NAA11: variants seen among roughly 807,000 people sequenced by gnomAD.
NAA11 encodes the protein N-alpha-acetyltransferase 11.
A neutral mutation model predicts 16.1 loss-of-function variants in NAA11; 15 were observed. That is an observed-to-expected ratio of 0.93 (90% CI 0.62 to 1.44). The LOEUF (loss-of-function observed/expected upper bound fraction) is 1.44. NAA11 is among the 40% of genes most tolerant of loss of function. The probability of loss-of-function intolerance (pLI) is 0.00; values close to 1 mark genes in which losing one functional copy is unlikely to be tolerated. For synonymous variants in NAA11, 122 were observed against 112.4 expected (o/e 1.09, Z -0.54); for missense variants, 298 against 291.3 (o/e 1.02, Z -0.17).
intron 1 of NAA11, among the ~76,000 whole-genome samples, chr4:79,300,847 T>C (rs1438169763): frequency 6.6e-6 from 1 of 152,120 alleles, no homozygotes; most frequent in African/African-American, 2.4e-5. Flanking sequence ...AGAGAAGCCA[T>C]ATTTTAAGAA....
At chr4:79,251,700 A>G (rs904152776) in intron 2 of NAA11, among the ~76,000 whole-genome samples, 7 of 152,108 alleles carry the variant, frequency 4.6e-5, no homozygotes, top group Non-Finnish European at 7.4e-5. Flanking sequence ...GACCTGGCCA[A>G]TTGTGCTGCA....
At chr4:79,305,457 T>C (rs1466652377) in intron 1 of NAA11, among the ~76,000 whole-genome samples, 1 of 152,220 alleles carries the variant, frequency 6.6e-6, no homozygotes, top group Non-Finnish European at 1.5e-5. Flanking sequence ...TCACAAATCA[T>C]TTGAAAGATT....
chr4:79,289,576 GA>G, intron 2 of NAA11, among the ~76,000 whole-genome samples: 1 of 152,188 alleles, frequency 6.6e-6, no homozygotes, highest in African/African-American at 2.4e-5. Flanking sequence ...TCCTTGTGAA[GA>G]AAAAGCCAGA....
chr4:79,236,474 AT>A (rs1051585663), intron 2 of NAA11, among the ~76,000 whole-genome samples: 8 of 152,060 alleles, frequency 5.3e-5, no homozygotes, highest in African/African-American at 1.2e-4. Context: ...AAAAAAAAAG[AT>A]TTTTTCCCCC....
At chr4:79,322,486 G>GGTGT (rs757206111) in intron 1 of NAA11, among the ~76,000 whole-genome samples, 38 of 87,774 alleles carry the variant, frequency 4.3e-4, no homozygotes, top group African/African-American at 1.6e-3. Context: ...CAGTTTTATA[G>GGTGT]GTGTGTGTGT....
chr4:79,247,317 T>C (rs1425076067), intron 2 of NAA11, among the ~76,000 whole-genome samples: 2 of 152,176 alleles, frequency 1.3e-5, no homozygotes, highest in Non-Finnish European at 2.9e-5. Flanking sequence ...GAAGCTTATT[T>C]TTTCTTGTTA....
At chr4:79,275,940 AG>A (rs760296940) in intron 2 of NAA11, among the ~76,000 whole-genome samples, 1 of 152,100 alleles carries the variant, frequency 6.6e-6, no homozygotes, top group Non-Finnish European at 1.5e-5. Context: ...AAATAGGGGG[AG>A]GAGACCTTAA....
intron 1 of NAA11, among the ~76,000 whole-genome samples, chr4:79,324,855 GA>G (rs1724208841): frequency 6.6e-6 from 1 of 152,146 alleles, no homozygotes; most frequent in African/African-American, 2.4e-5. Context: ...TTACTAACTG[GA>G]ATTCCATAAA....
At chr4:79,236,611 A>G (rs765943915) in intron 2 of NAA11, among the ~76,000 whole-genome samples, 47 of 152,178 alleles carry the variant, frequency 3.1e-4, no homozygotes, top group African/African-American at 7.2e-5. Context: ...GAGTTAATTA[A>G]AATCTTAATT....
chr4:79,283,544 T>A (rs1578177847), intron 2 of NAA11, among the ~76,000 whole-genome samples: 1 of 152,214 alleles, frequency 6.6e-6, no homozygotes, highest in Admixed American at 6.6e-5. Flanking sequence ...TGATTGCTTC[T>A]ATTTTAATCA....
At chr4:79,198,094 T>G in the NAA11 span, among the ~76,000 whole-genome samples, 1 of 151,974 alleles carries the variant, frequency 6.6e-6, no homozygotes, top group Non-Finnish European at 1.5e-5. Flanking sequence ...ATTTCCCAAG[T>G]AGTTTGTTAA....
chr4:79,237,133 T>C (rs1721587453), intron 2 of NAA11, among the ~76,000 whole-genome samples: 1 of 152,174 alleles, frequency 6.6e-6, no homozygotes, highest in African/African-American at 2.4e-5. Flanking sequence ...GGTGCCTAAA[T>C]TGGGTAATGT....
intron 2 of NAA11, among the ~76,000 whole-genome samples, chr4:79,273,070 T>C (rs1264275628): frequency 6.6e-6 from 1 of 151,826 alleles, no homozygotes; most frequent in Non-Finnish European, 1.5e-5. Context: ...CCAGTCCTCT[T>C]AGGAATTAGG....
intron 2 of NAA11, among the ~76,000 whole-genome samples, chr4:79,254,645 CT>C (rs55884114): frequency 0.15 from 18,274 of 123,024 alleles, 1,308 homozygotes; most frequent in African/African-American, 0.24. Context: ...TTGTCCTTTT[CT>C]TTTTTTTTTT....
In NAA11 at chr4:79,231,165, C is replaced by A. The variant is rs1325267797; in HGVS notation, c.*123-4895G>T. 2.0e-5 allele frequency among the ~76,000 whole-genome samples: 3 copies of A among 151,888 alleles called. No individual in the cohort carries two copies. The East Asian group carries it at 5.8e-4, about 29-fold the overall frequency. On this transcript the variant is annotated intron_variant and NMD_transcript_variant, in intron 2 of 2. Coordinates refer to the NAA11 transcript ENST00000511542. The stretch of plus-strand genomic sequence containing the variant: ...AGTAATTTAAATGGCTTCTTCAATA[C>A]TTTTTCAAGAAAGACTAATTCTTGG...
chr4:79,189,145 CA>C, the NAA11 span, among the ~76,000 whole-genome samples: 650 of 42,284 alleles, frequency 0.015, 30 homozygotes, highest in African/African-American at 0.041. Flanking sequence ...GACTCCATCT[CA>C]AAAAAAAAAA....
chr4:79,307,690 A>G (rs918968601), intron 1 of NAA11, among the ~76,000 whole-genome samples: 2 of 152,216 alleles, frequency 1.3e-5, no homozygotes, highest in Non-Finnish European at 2.9e-5. Context: ...AACAATAACC[A>G]CAATCTAAGA....
At chr4:79,267,735 C>T (rs993619203) in intron 2 of NAA11, among the ~76,000 whole-genome samples, 10 of 152,082 alleles carry the variant, frequency 6.6e-5, no homozygotes, top group Admixed American at 2.6e-4. Context: ...GTTTATTTCC[C>T]ATCCTGATGA....
At chr4:79,215,223 T>C in the NAA11 span, among the ~76,000 whole-genome samples, 2 of 152,342 alleles carry the variant, frequency 1.3e-5, no homozygotes, top group South Asian at 4.1e-4. Context: ...TAAGGATTAA[T>C]ATGCCTTGTA....
Sources: allele counts gnomAD v4.1 joint callset (sites outside exome capture counted in the v4.1 genomes callset), GRCh38; gene constraint gnomAD v4.1.1; transcripts MANE v1.5; gene names NCBI Gene and HGNC (gene_info 2026-07-23, HGNC 2026-07-21).